GNAI1: variants seen among roughly 807,000 people sequenced by gnomAD.
GNAI1 encodes G protein subunit alpha i1, also known as guanine nucleotide-binding protein G(i) subunit alpha-1.
GNAI1 carries 11 observed loss-of-function variants against 38.9 expected under a neutral mutation model. The observed-to-expected ratio is 0.28, with a 90% CI of 0.18 to 0.47. The LOEUF is 0.47. Among genes scored for constraint, GNAI1 ranks in the 20% least tolerant of loss-of-function variants. GNAI1 has a pLI of 0.99. For synonymous variants in GNAI1, 166 were observed against 145.1 expected, an observed-to-expected ratio of 1.14 and a Z score of -1.04; for missense variants, 317 against 436.9, an observed-to-expected ratio of 0.73 and a Z score of 2.45.
At position 80,223,998 on chromosome 7, in the gene GNAI1, C is replaced by T. The variant is rs1562849415; in HGVS notation, c.*6505C>T. On this transcript the variant is annotated 3_prime_UTR_variant, in exon 8 of 8. Coordinates refer to ENST00000649796, the MANE Select transcript of GNAI1 (RefSeq NM_002069.6). ...GGAAAGCCAGTAAAAAGTGCCCTTT[C>T]TTCTTTCTGAGAGCCCCACCTCTGA... Among the ~76,000 whole-genome samples the T allele has an allele frequency of 6.6e-6, 1 of 152,146 alleles. No individual in the cohort carries two copies. The highest frequency in any genetic ancestry group is 2.1e-4 in the South Asian group (1 of 4,828).
chr7:80,135,976 C>G (rs1787407450), intron 1 of GNAI1: 2 of 985,136 alleles, frequency 2.0e-6, no homozygotes, highest in Non-Finnish European at 2.4e-6. Context: ...GGCAGATACT[C>G]GAGTGGTGAA....
At chr7:80,194,125 C>A (rs1788527993) in intron 3 of GNAI1, among the ~76,000 whole-genome samples, 1 of 152,208 alleles carries the variant, frequency 6.6e-6, no homozygotes, top group East Asian at 1.9e-4. Flanking sequence ...TTTGGAATGC[C>A]TTTTCTTAGC....
intron 5 of GNAI1, among the ~76,000 whole-genome samples, chr7:80,209,948 C>T (rs1020442298): frequency 2.1e-4 from 32 of 152,042 alleles, no homozygotes; most frequent in African/African-American, 7.7e-4. Context: ...TGAAGAAGCC[C>T]ACTTAAGTGA....
At chr7:80,211,291 T>C (rs1374572680) in intron 6 of GNAI1, among the ~76,000 whole-genome samples, 193 bp downstream of exon 6, 7 of 152,162 alleles carry the variant, frequency 4.6e-5, no homozygotes, top group Non-Finnish European at 7.4e-5. Flanking sequence ...AGAGTCAATC[T>C]CACCTCAAGC....
At position 80,196,037 on chromosome 7, in the gene GNAI1, G is replaced by C. The variant is rs76042390; in HGVS notation, c.304-3188G>C. Among the ~76,000 whole-genome samples, 304 of 151,998 alleles carry C rather than the reference G, an allele frequency of 2.0e-3. 10 individuals are homozygous for C. The East Asian group carries it at 0.049, about 24-fold the overall frequency. On this transcript the variant is annotated intron_variant, in intron 3 of 7. Transcript: ENST00000649796. Reference sequence around the variant, plus strand: ...ACTCTTCTGAATTTTCATCAAGTGGGTGACAGCTTTAAATAAAACATGTAA... The same window carrying C: ...ACTCTTCTGAATTTTCATCAAGTGGCTGACAGCTTTAAATAAAACATGTAA...
Position 80,220,824 on chromosome 7 carries a change from G to A in GNAI1, c.*3331G>A, listed in dbSNP as rs760693809. Among the ~76,000 whole-genome samples the A allele has an allele frequency of 1.3e-5, 2 of 152,160 alleles. No homozygotes were observed. The highest frequency in any genetic ancestry group is 2.9e-5 in the Non-Finnish European group (2 of 68,024). On this transcript the variant is annotated 3_prime_UTR_variant, in exon 8 of 8. Coordinates refer to ENST00000649796, the MANE Select transcript of GNAI1 (RefSeq NM_002069.6). ...TCCATGTCTGTCAGAGGACCCCAAA[G>A]ATGCTACCTTATTTCCAGAAAATGT...
At chr7:80,187,185 GGGTGTGTGTGTGTGTGTGTGTCTT>G (rs1169779454) in intron 1 of GNAI1, 4 of 73,482 alleles carry the variant, frequency 5.4e-5, no homozygotes, top group Non-Finnish European at 8.7e-5. Flanking sequence ...CTGATGATTT[GGGTGTGTGTGTGTGTGTGTGTCTT>G]TGTGTGTGTG....
intron 1 of GNAI1, among the ~76,000 whole-genome samples, chr7:80,147,492 C>T (rs1049699498): frequency 5.9e-5 from 9 of 151,990 alleles, no homozygotes; most frequent in African/African-American, 1.7e-4. Context: ...CTGATGCGAT[C>T]TCCAGCTTCT....
In GNAI1 at chr7:80,203,720, G is replaced by A. The variant is rs778777547; in HGVS notation, c.478G>A (p.Asp160Asn). The change falls in exon 5 of 8, where the codon GAC becomes AAC. Residue 160 changes from aspartate to asparagine, a missense_variant. Physicochemically the swap from Asp to Asn is conservative, Grantham distance 23 (BLOSUM62 1). Coordinates refer to ENST00000649796, the MANE Select transcript of GNAI1 (RefSeq NM_002069.6). ...DSAAYYLNDL[D>N]RIAQPNYIPT... is the part of the protein sequence containing the mutation. Reference sequence around the variant, plus strand: ...TTTTTTCAGCTATTTGAATGACTTGGACAGAATAGCTCAACCAAATTACAT... The same window carrying A: ...TTTTTTCAGCTATTTGAATGACTTGAACAGAATAGCTCAACCAAATTACAT... 1.1e-5 allele frequency: 18 copies of A among 1,586,994 alleles called. No individual in the cohort carries two copies. Among genetic ancestry groups the A allele is most frequent in the Non-Finnish European group, 1.5e-5 (17 of 1,160,616 alleles).
intron 1 of GNAI1, among the ~76,000 whole-genome samples, chr7:80,151,753 A>G (rs992416386): frequency 8.5e-5 from 13 of 152,190 alleles, no homozygotes; most frequent in Admixed American, 2.0e-4. Context: ...AATATTACCT[A>G]TTGTCTGCTA....
Position 80,222,464 on chromosome 7 carries a change from C to T in GNAI1, c.*4971C>T, listed in dbSNP as rs527748345. On this transcript the variant is annotated 3_prime_UTR_variant, in exon 8 of 8. Transcript: ENST00000649796. ...GCGCAATGGTGCGATCTCGGCTCAC[C>T]GCAACATCCGCCTCCCGGGTACAAG... Among the ~76,000 whole-genome samples the T allele has an allele frequency of 2.7e-5, 4 of 150,588 alleles. No individual in the cohort carries two copies. Among genetic ancestry groups the T allele is most frequent in the East Asian group, 3.9e-4 (2 of 5,124 alleles).
intron 1 of GNAI1, among the ~76,000 whole-genome samples, chr7:80,157,641 T>C (rs1005068279): frequency 6.6e-6 from 1 of 152,200 alleles, no homozygotes; most frequent in Non-Finnish European, 1.5e-5. Context: ...TTCTAATAAA[T>C]GTGTAGTGGT....
At chr7:80,201,300 A>G (rs1788682397) in intron 4 of GNAI1, among the ~76,000 whole-genome samples, 1 of 152,210 alleles carries the variant, frequency 6.6e-6, no homozygotes, top group Non-Finnish European at 1.5e-5. Flanking sequence ...TTCAATAATT[A>G]AGGGGTACTA....
intron 1 of GNAI1, among the ~76,000 whole-genome samples, chr7:80,139,799 T>G (rs955262369): frequency 2.0e-5 from 3 of 152,094 alleles, no homozygotes; most frequent in Non-Finnish European, 4.4e-5. Flanking sequence ...TTCATATTTA[T>G]AAGAGCTTTT....
At chr7:80,166,948 A>T (rs1788019189) in intron 1 of GNAI1, among the ~76,000 whole-genome samples, 1 of 152,204 alleles carries the variant, frequency 6.6e-6, no homozygotes, top group African/African-American at 2.4e-5. Context: ...TGTCATGATT[A>T]GAGTATATTA....
chr7:80,200,280 C>G (rs182108102), intron 4 of GNAI1, among the ~76,000 whole-genome samples: 1 of 135,564 alleles, frequency 7.4e-6, no homozygotes, highest in African/African-American at 2.9e-5. Context: ...GAGCCATGCT[C>G]GTACCACTGC....
At position 80,217,279 on chromosome 7, in the gene GNAI1, GTTTC is replaced by G; in HGVS notation, c.875-19_875-16del. On this transcript the variant is annotated intron_variant, in intron 7 of 7. Coordinates refer to ENST00000649796, the MANE Select transcript of GNAI1 (RefSeq NM_002069.6). ...AGTTATTTTAACTTTTTGCATTTAT[GTTTC>G]TTTCCTTTTTCCATCTCAGGATCAA... 2.2e-6 allele frequency: 3 copies of G among 1,343,386 alleles called. No homozygotes were observed. The highest frequency in any genetic ancestry group is 3.0e-6 in the Non-Finnish European group (3 of 1,015,838). 83.2% of individuals were successfully genotyped at this position (1,343,386 alleles called of 1,614,324 possible). A position where few individuals can be genotyped will look rare whatever the true frequency, so the allele number is the denominator to read the frequency against.
At chr7:80,164,522 C>T (rs1378982276) in intron 1 of GNAI1, among the ~76,000 whole-genome samples, 10 of 151,954 alleles carry the variant, frequency 6.6e-5, no homozygotes, top group African/African-American at 1.2e-4. Flanking sequence ...CCACCACACC[C>T]GGCTAATTTT....
intron 1 of GNAI1, among the ~76,000 whole-genome samples, chr7:80,162,793 A>G (rs542363379): frequency 5.9e-5 from 9 of 152,282 alleles, no homozygotes; most frequent in South Asian, 2.1e-4. Flanking sequence ...GCTGAGCACA[A>G]TGGATGGGTT....
Sources: gnomAD v4.1 joint callset for allele counts (sites outside exome capture counted in the v4.1 genomes callset) on GRCh38, gnomAD v4.1.1 for gene constraint, MANE v1.5 for transcripts, NCBI Gene and HGNC (gene_info 2026-07-23, HGNC 2026-07-21) for gene names.